PRKCA: variants seen among roughly 807,000 people sequenced by gnomAD.
The protein encoded by PRKCA is protein kinase C alpha.
A neutral mutation model predicts 87.0 loss-of-function variants in PRKCA; 27 were observed. The ratio of observed to expected loss-of-function variants is 0.31; its 90% confidence interval spans 0.23 to 0.43. The LOEUF is 0.43. PRKCA is among the 20% of genes least tolerant of loss of function. The probability of loss-of-function intolerance (pLI) is 1.00; values close to 1 mark genes in which losing one functional copy is unlikely to be tolerated. For synonymous variants in PRKCA, 329 were observed against 311.1 expected (o/e 1.06, Z -0.61); for missense variants, 518 against 852.3 (o/e 0.61, Z 4.88).
intron 3 of PRKCA, among the ~76,000 whole-genome samples, chr17:66,575,344 C>T (rs1007763074): frequency 4.6e-5 from 7 of 152,136 alleles, no homozygotes; most frequent in South Asian, 2.1e-4. Flanking sequence ...TTTGGGAGGC[C>T]GCGGTGGGCG....
At chr17:66,498,764 G>T (rs147912630) in intron 3 of PRKCA, among the ~76,000 whole-genome samples, 4 of 152,226 alleles carry the variant, frequency 2.6e-5, no homozygotes, top group African/African-American at 9.6e-5. Flanking sequence ...GTGTGCGTGC[G>T]TACGCGCATG....
intron 2 of PRKCA, among the ~76,000 whole-genome samples, chr17:66,492,622 C>T (rs567638911): frequency 6.6e-6 from 1 of 152,268 alleles, no homozygotes; most frequent in South Asian, 2.1e-4. Context: ...AAGTAATGCC[C>T]CTGTAACCTT....
intron 3 of PRKCA, among the ~76,000 whole-genome samples, chr17:66,508,653 C>CT (rs1004679872): frequency 2.6e-5 from 4 of 152,182 alleles, no homozygotes; most frequent in East Asian, 3.9e-4. Flanking sequence ...TTGTCTCCAT[C>CT]TTTTTTTTGT....
At chr17:66,780,404 C>T (rs540041828) in intron 14 of PRKCA, among the ~76,000 whole-genome samples, 3 of 152,200 alleles carry the variant, frequency 2.0e-5, no homozygotes, top group East Asian at 3.9e-4. Flanking sequence ...AGGCTGGGTA[C>T]GGTGGTTCAC....
chr17:66,563,532 C>G (rs955277410), intron 3 of PRKCA, among the ~76,000 whole-genome samples: 2 of 152,192 alleles, frequency 1.3e-5, no homozygotes. Context: ...AAATCATATT[C>G]CATCATCTGG....
chr17:66,492,521 T>C (rs1192610916), intron 2 of PRKCA, among the ~76,000 whole-genome samples: 1 of 152,190 alleles, frequency 6.6e-6, no homozygotes, highest in Non-Finnish European at 1.5e-5. Flanking sequence ...TAAAAAGAGA[T>C]GAAAGGCCCA....
chr17:66,603,082 A>G (rs1970101978), intron 3 of PRKCA, among the ~76,000 whole-genome samples: 1 of 152,162 alleles, frequency 6.6e-6, no homozygotes, highest in African/African-American at 2.4e-5. Flanking sequence ...TAGCTGAACT[A>G]AAGAGAAAGC....
chr17:66,716,677 T>G (rs1047144923), intron 8 of PRKCA, among the ~76,000 whole-genome samples: 4 of 151,666 alleles, frequency 2.6e-5, no homozygotes, highest in Non-Finnish European at 4.4e-5. Flanking sequence ...AGGGAAAAAT[T>G]TGGTTGGCTG....
intron 16 of PRKCA, among the ~76,000 whole-genome samples, chr17:66,790,634 T>C (rs895462126): frequency 2.0e-5 from 3 of 152,212 alleles, no homozygotes; most frequent in Non-Finnish European, 2.9e-5. Flanking sequence ...AGGAACAACG[T>C]AGAGATGCGT....
At position 66,737,196 on chromosome 17, in the gene PRKCA, C is replaced by CAAAA. The variant is rs59025976; in HGVS notation, c.1230+1548_1230+1551dup. Among the ~76,000 whole-genome samples the CAAAA allele has an allele frequency of 8.6e-3, 1,072 of 125,250 alleles. 14 individuals are homozygous for CAAAA. The highest frequency in any genetic ancestry group is 0.025 in the African/African-American group (865 of 35,136). The allele number at this position is 125,250 out of a possible 152,430, so 82.2% of individuals were successfully genotyped here. On this transcript the variant is annotated intron_variant, in intron 10 of 16. Transcript: ENST00000413366. Reference sequence around the variant, plus strand: ...TGAAACCCCGTCTCTACTAAATATACAAAAAAAAAAAAAAAAATTAGCCGG... The same window carrying CAAAA: ...TGAAACCCCGTCTCTACTAAATATACAAAAAAAAAAAAAAAAAAAAATTAGCCGG...
At chr17:66,592,242 C>G (rs2143544725) in intron 3 of PRKCA, among the ~76,000 whole-genome samples, 1 of 148,718 alleles carries the variant, frequency 6.7e-6, no homozygotes, top group South Asian at 2.1e-4. Context: ...GTAGTCCCAG[C>G]TACTTGGGAG....
intron 2 of PRKCA, among the ~76,000 whole-genome samples, chr17:66,389,305 G>T (rs1910233296): frequency 6.6e-6 from 1 of 152,158 alleles, no homozygotes; most frequent in South Asian, 2.1e-4. Context: ...CGACTCACTT[G>T]GGCCTCCCAG....
chr17:66,483,361 TGCAGAA>T (rs1455174511), intron 2 of PRKCA, among the ~76,000 whole-genome samples: 1 of 152,188 alleles, frequency 6.6e-6, no homozygotes, highest in African/African-American at 2.4e-5. Context: ...TTCCTTGGCT[TGCAGAA>T]GCAGAAGCAT....
At chr17:66,334,374 G>A (rs1906532905) in intron 2 of PRKCA, among the ~76,000 whole-genome samples, 1 of 152,156 alleles carries the variant, frequency 6.6e-6, no homozygotes, top group South Asian at 2.1e-4. Context: ...AAGTGTGTGT[G>A]TGCTTATTTT....
intron 3 of PRKCA, among the ~76,000 whole-genome samples, chr17:66,500,829 C>T (rs2144128254): frequency 6.6e-6 from 1 of 152,202 alleles, no homozygotes; most frequent in East Asian, 1.9e-4. Flanking sequence ...AGAAATCAAT[C>T]CAATAAAAAA....
At chr17:66,418,036 G>A (rs1912259233) in intron 2 of PRKCA, among the ~76,000 whole-genome samples, 1 of 152,164 alleles carries the variant, frequency 6.6e-6, no homozygotes, top group African/African-American at 2.4e-5. Flanking sequence ...GGGCAGTGAG[G>A]ATCACTCAGC....
intron 2 of PRKCA, among the ~76,000 whole-genome samples, chr17:66,327,194 G>A (rs980519481): frequency 5.9e-5 from 9 of 151,882 alleles, no homozygotes; most frequent in Non-Finnish European, 8.8e-5. Flanking sequence ...GTGAAACCCC[G>A]TCTCTACTAA....
intron 2 of PRKCA, among the ~76,000 whole-genome samples, chr17:66,412,223 AT>A (rs973153439): frequency 6.6e-6 from 1 of 151,818 alleles, no homozygotes; most frequent in Admixed American, 6.6e-5. Context: ...CATCCAGTTG[AT>A]TTTTGTATTT....
At chr17:66,454,057 C>T (rs1209935958) in intron 2 of PRKCA, among the ~76,000 whole-genome samples, 2 of 152,206 alleles carry the variant, frequency 1.3e-5, no homozygotes, top group African/African-American at 4.8e-5. Context: ...AAAACAATTC[C>T]TCCTCATGCC....
Sources: allele counts gnomAD v4.1 joint callset (sites outside exome capture counted in the v4.1 genomes callset), GRCh38; gene constraint gnomAD v4.1.1; transcripts MANE v1.5; gene names NCBI Gene and HGNC (gene_info 2026-07-23, HGNC 2026-07-21).